Variants in SGCZ observed in about 807,000 individuals in gnomAD.
SGCZ encodes zeta-sarcoglycan.
A neutral mutation model predicts 41.3 loss-of-function variants in SGCZ; 40 were observed. That is an observed-to-expected ratio of 0.97 (90% CI 0.75 to 1.26). The LOEUF (loss-of-function observed/expected upper bound fraction) is 1.26. Among genes scored for constraint, SGCZ ranks in the 50% most tolerant of loss-of-function variants. The pLI is 0.00. For missense variants in SGCZ, 552 were observed against 369.8 expected (o/e 1.49, Z -4.04); for synonymous variants, 206 against 137.5 (o/e 1.50, Z -3.49).
intron 1 of SGCZ, among the ~76,000 whole-genome samples, chr8:15,218,401 C>T (rs1439655583): frequency 6.6e-6 from 1 of 152,126 alleles, no homozygotes; most frequent in African/African-American, 2.4e-5. Flanking sequence ...AGAACACATC[C>T]CAATGCATAT....
At chr8:15,140,410 T>C (rs1808276741) in intron 1 of SGCZ, among the ~76,000 whole-genome samples, 2 of 152,186 alleles carry the variant, frequency 1.3e-5, no homozygotes, top group Admixed American at 1.3e-4. Flanking sequence ...TTGAATTCTA[T>C]GCTATCTTTG....
At chr8:15,126,618 T>C (rs770704228) in intron 1 of SGCZ, among the ~76,000 whole-genome samples, 1 of 152,090 alleles carries the variant, frequency 6.6e-6, no homozygotes. Flanking sequence ...ATGGTGACAA[T>C]GGCCAACTTT....
In SGCZ at chr8:14,361,854, G is replaced by T. The variant is rs140369888; in HGVS notation, c.235-37650C>A. ...TGGTTCTTAATGTTGGTGACCTACA[G>T]ATGGGGTTTTGGTGTGGATGTCCTT... is the stretch of plus-strand genomic sequence containing the variant. On this transcript the variant is annotated intron_variant, in intron 2 of 7. Coordinates refer to ENST00000382080, the MANE Select transcript of SGCZ (RefSeq NM_139167.4). Among the ~76,000 whole-genome samples, 376 of 152,304 alleles carry T rather than the reference G, an allele frequency of 2.5e-3. 2 individuals carry two copies. The highest frequency in any genetic ancestry group is 4.1e-3 in the Non-Finnish European group (280 of 68,024).
At chr8:14,817,350 T>C (rs536950877) in intron 1 of SGCZ, among the ~76,000 whole-genome samples, 2 of 152,080 alleles carry the variant, frequency 1.3e-5, no homozygotes, top group African/African-American at 4.8e-5. Flanking sequence ...ATACAAGCAA[T>C]CTTTACTATA....
intron 1 of SGCZ, among the ~76,000 whole-genome samples, chr8:14,762,382 A>T (rs1462359069): frequency 6.6e-6 from 1 of 152,152 alleles, no homozygotes; most frequent in Non-Finnish European, 1.5e-5. Context: ...GTACTTTGGC[A>T]AATCATTCAA....
At chr8:14,309,779 T>C in intron 3 of SGCZ, 3 of 1,495,200 alleles carry the variant, frequency 2.0e-6, no homozygotes, top group Non-Finnish European at 2.7e-6. Context: ...CATTTAAATT[T>C]CATTTCCATC....
intron 1 of SGCZ, among the ~76,000 whole-genome samples, chr8:15,161,044 G>A (rs1014445979): frequency 4.6e-5 from 7 of 151,902 alleles, no homozygotes; most frequent in Non-Finnish European, 7.4e-5. Context: ...GTCCTTCAAC[G>A]GCCTCTTTCT....
At chr8:15,201,147 G>T (rs1362778503) in intron 1 of SGCZ, among the ~76,000 whole-genome samples, 1 of 152,190 alleles carries the variant, frequency 6.6e-6, no homozygotes, top group Non-Finnish European at 1.5e-5. Context: ...CTGCAGAGCA[G>T]CTGGGACTAC....
chr8:15,033,849 C>T (rs966164981), intron 1 of SGCZ, among the ~76,000 whole-genome samples: 2 of 152,150 alleles, frequency 1.3e-5, no homozygotes, highest in African/African-American at 4.8e-5. Context: ...AGGCACCGTA[C>T]TCAACCCCAC....
At chr8:14,297,305 T>G (rs1801046979) in intron 3 of SGCZ, among the ~76,000 whole-genome samples, 1 of 151,952 alleles carries the variant, frequency 6.6e-6, no homozygotes. Flanking sequence ...GATCTTAAAA[T>G]TGTATTTAAT....
intron 1 of SGCZ, among the ~76,000 whole-genome samples, chr8:14,612,938 G>A (rs185183932): frequency 4.2e-3 from 636 of 152,178 alleles, no homozygotes; most frequent in Non-Finnish European, 6.3e-3. Context: ...CACTTGCCTC[G>A]GCCTCCCAAA....
intron 1 of SGCZ, among the ~76,000 whole-genome samples, chr8:14,690,080 C>A (rs1164588892): frequency 6.8e-6 from 1 of 147,280 alleles, no homozygotes; most frequent in Non-Finnish European, 1.5e-5. Flanking sequence ...ATTCGTGCCA[C>A]AAATATTTCT....
intron 1 of SGCZ, among the ~76,000 whole-genome samples, chr8:15,093,885 A>G (rs1199982364): frequency 6.6e-6 from 1 of 152,176 alleles, no homozygotes; most frequent in African/African-American, 2.4e-5. Context: ...AGTATCATTT[A>G]TTCACAAATC....
chr8:14,196,743 C>T (rs1194527503), intron 4 of SGCZ, among the ~76,000 whole-genome samples: 1 of 152,038 alleles, frequency 6.6e-6, no homozygotes, highest in East Asian at 1.9e-4. Context: ...AACATTGATG[C>T]ACCTTAGAAG....
At chr8:15,138,454 G>T (rs1264304519) in intron 1 of SGCZ, among the ~76,000 whole-genome samples, 3 of 152,028 alleles carry the variant, frequency 2.0e-5, no homozygotes. Context: ...TGGTTGGGCG[G>T]CACCCCCACT....
intron 1 of SGCZ, among the ~76,000 whole-genome samples, chr8:14,847,044 C>T (rs538012703): frequency 3.8e-4 from 58 of 151,530 alleles, no homozygotes; most frequent in African/African-American, 1.4e-3. Flanking sequence ...TGCACTCCAG[C>T]CTGGGTGACA....
chr8:14,160,581 T>C (rs1804014469), intron 5 of SGCZ, among the ~76,000 whole-genome samples: 1 of 152,190 alleles, frequency 6.6e-6, no homozygotes, highest in African/African-American at 2.4e-5. Context: ...AGTATCATTA[T>C]ACTAAGATTT....
At chr8:15,060,506 C>G (rs554773566) in intron 1 of SGCZ, among the ~76,000 whole-genome samples, 19 of 117,406 alleles carry the variant, frequency 1.6e-4, no homozygotes, top group African/African-American at 6.1e-4. Context: ...ACATGACACA[C>G]CGGGGCCTGT....
chr8:14,381,937 C>A (rs568985032), intron 2 of SGCZ, among the ~76,000 whole-genome samples: 4 of 152,188 alleles, frequency 2.6e-5, no homozygotes, highest in Non-Finnish European at 5.9e-5. Flanking sequence ...TTATACTTCA[C>A]CAGCCTTCTC....
Sources: allele counts gnomAD v4.1 joint callset (sites outside exome capture counted in the v4.1 genomes callset), GRCh38; gene constraint gnomAD v4.1.1; transcripts MANE v1.5; gene names NCBI Gene and HGNC (gene_info 2026-07-23, HGNC 2026-07-21).